Variants in GPHN observed in about 807,000 individuals in gnomAD.
GPHN encodes the protein gephyrin.
GPHN carries 17 observed loss-of-function variants against 95.5 expected under a neutral mutation model. The observed-to-expected ratio is 0.18, with a 90% CI of 0.12 to 0.27. The LOEUF (loss-of-function observed/expected upper bound fraction) is 0.27, where lower values mean the gene tolerates loss of function less well. Ranked by LOEUF, GPHN falls within the 10% of genes least tolerant of loss-of-function variation. GPHN has a pLI of 1.00. For missense variants in GPHN, 660 were observed against 978.1 expected (o/e 0.67, Z 4.34); for synonymous variants, 320 against 322.5 (o/e 0.99, Z 0.08).
chr14:66,787,232 T>G (rs1038193567), intron 3 of GPHN, among the ~76,000 whole-genome samples: 88 of 152,142 alleles, frequency 5.8e-4, no homozygotes, highest in African/African-American at 2.1e-3. Flanking sequence ...AACTGAAATT[T>G]AAATAACACC....
At chr14:67,216,998 A>G in the GPHN span, among the ~76,000 whole-genome samples, 1 of 152,182 alleles carries the variant, frequency 6.6e-6, no homozygotes, top group East Asian at 1.9e-4. Context: ...GTCCAAGGCT[A>G]AGAGTGGGTG....
intron 1 of GPHN, among the ~76,000 whole-genome samples, chr14:66,585,171 T>A (rs1353308505): frequency 2.6e-5 from 4 of 152,208 alleles, no homozygotes; most frequent in African/African-American, 9.6e-5. Flanking sequence ...CTAGTTTATT[T>A]GTGTAGAGGT....
the GPHN span, among the ~76,000 whole-genome samples, chr14:67,281,414 G>T: frequency 2.0e-5 from 3 of 152,196 alleles, no homozygotes; most frequent in Admixed American, 6.5e-5. Context: ...TTATGTGAAA[G>T]AATTTTATGC....
chr14:66,954,247 T>C (rs2068330198), intron 8 of GPHN, among the ~76,000 whole-genome samples: 1 of 152,206 alleles, frequency 6.6e-6, no homozygotes, highest in Non-Finnish European at 1.5e-5. Context: ...CTTAACAATA[T>C]TAAGTATTGC....
chr14:67,333,837 T>A, the GPHN span: 2 of 152,628 alleles, frequency 1.3e-5, no homozygotes, highest in Non-Finnish European at 2.9e-5. Flanking sequence ...TTCCTCATGA[T>A]GCTAATAGTT....
At chr14:66,737,010 T>C (rs2072354763) in intron 2 of GPHN, among the ~76,000 whole-genome samples, 1 of 152,218 alleles carries the variant, frequency 6.6e-6, no homozygotes, top group Non-Finnish European at 1.5e-5. Context: ...CCTAAAATTA[T>C]TATATGTTTC....
At chr14:66,876,042 TAAC>T (rs1156370115) in intron 4 of GPHN, among the ~76,000 whole-genome samples, 1 of 151,224 alleles carries the variant, frequency 6.6e-6, no homozygotes, top group Non-Finnish European at 1.5e-5. Flanking sequence ...ACTGAAATCA[TAAC>T]AGTCTCTCAG....
chr14:67,520,058 G>A, the GPHN span, among the ~76,000 whole-genome samples: 2 of 152,128 alleles, frequency 1.3e-5, no homozygotes, highest in East Asian at 3.9e-4. Flanking sequence ...TAGGTTCACA[G>A]CAAAATTGAG....
the GPHN span, chr14:67,323,615 A>AATATAT: frequency 5.8e-3 from 1,499 of 260,220 alleles, 8 homozygotes; most frequent in African/African-American, 0.01. Flanking sequence ...CCCTTAATCT[A>AATATAT]ATATATATAT....
chr14:67,392,746 A>G, the GPHN span: 1 of 1,614,106 alleles, frequency 6.2e-7, no homozygotes, highest in Non-Finnish European at 8.5e-7. Context: ...GGACACCCAC[A>G]GGCCTGAGGA....
chr14:66,752,934 T>TA (rs370594333), intron 2 of GPHN, among the ~76,000 whole-genome samples: 39,871 of 133,996 alleles, frequency 0.3, 9,032 homozygotes, highest in African/African-American at 0.62. Flanking sequence ...TAGGAGTGGT[T>TA]AAAAAAAAAA....
chr14:66,605,106 G>C (rs1217241411), intron 1 of GPHN, among the ~76,000 whole-genome samples: 1 of 152,004 alleles, frequency 6.6e-6, no homozygotes, highest in Admixed American at 6.6e-5. Flanking sequence ...TACCATCGAT[G>C]GGCACCTAGG....
chr14:67,443,197 G>C, the GPHN span, among the ~76,000 whole-genome samples: 2 of 151,948 alleles, frequency 1.3e-5, no homozygotes, highest in Non-Finnish European at 2.9e-5. Flanking sequence ...CTCCAGCCTG[G>C]GCAACAGAGC....
At chr14:66,721,297 G>C (rs1017652749) in intron 2 of GPHN, among the ~76,000 whole-genome samples, 8 of 152,028 alleles carry the variant, frequency 5.3e-5, no homozygotes, top group Non-Finnish European at 1.0e-4. Context: ...AAGATCTGAT[G>C]AGAGTTTATT....
intron 1 of GPHN, among the ~76,000 whole-genome samples, chr14:66,533,052 C>T (rs2059005237): frequency 6.6e-6 from 1 of 152,172 alleles, no homozygotes; most frequent in African/African-American, 2.4e-5. Flanking sequence ...GCCGAATAGT[C>T]AGTCCACTTG....
chr14:66,641,978 C>A (rs954627550), intron 1 of GPHN, among the ~76,000 whole-genome samples: 1 of 151,876 alleles, frequency 6.6e-6, no homozygotes, highest in African/African-American at 2.4e-5. Context: ...GAGAGAGTAC[C>A]AATTGTCATC....
At chr14:66,724,344 C>T (rs960537694) in intron 2 of GPHN, among the ~76,000 whole-genome samples, 3 of 152,000 alleles carry the variant, frequency 2.0e-5, no homozygotes, top group African/African-American at 7.3e-5. Context: ...CAGCTGTGGA[C>T]AAAACTTCAG....
chr14:66,945,245 C>G (rs1448430859), intron 8 of GPHN, among the ~76,000 whole-genome samples: 1 of 152,212 alleles, frequency 6.6e-6, no homozygotes, highest in Non-Finnish European at 1.5e-5. Context: ...GGTTTCCCGC[C>G]TCACAGATTG....
chr14:67,529,912 A>G, the GPHN span, among the ~76,000 whole-genome samples: 1 of 152,188 alleles, frequency 6.6e-6, no homozygotes. Flanking sequence ...ACAGTAACTG[A>G]GAACCAGGTC....
Sources: gnomAD v4.1 joint callset for allele counts (sites outside exome capture counted in the v4.1 genomes callset) on GRCh38, gnomAD v4.1.1 for gene constraint, MANE v1.5 for transcripts, NCBI Gene and HGNC (gene_info 2026-07-23, HGNC 2026-07-21) for gene names.